The following PTPRQ variants were observed in gnomAD, a reference collection of about 807,000 sequenced individuals.
The protein encoded by PTPRQ is protein tyrosine phosphatase receptor type Q, also known as phosphatidylinositol phosphatase PTPRQ.
A neutral mutation model predicts 246.0 loss-of-function variants in PTPRQ; 199 were observed. That is an observed-to-expected ratio of 0.81 (90% confidence interval 0.72 to 0.91). The LOEUF is 0.91. Ranked by LOEUF, PTPRQ falls within the 40% of genes least tolerant of loss-of-function variation. The pLI, the probability that PTPRQ is intolerant of heterozygous loss-of-function variation, is 0.00. For missense variants in PTPRQ, 2,624 were observed against 2,528.4 expected (o/e 1.04, Z -0.81); for synonymous variants, 869 against 853.2 (o/e 1.02, Z -0.32).
intron 17 of PTPRQ, among the ~76,000 whole-genome samples, chr12:80,521,808 C>A: frequency 6.6e-6 from 1 of 152,154 alleles, no homozygotes; most frequent in East Asian, 1.9e-4. Flanking sequence ...ATGCCTCCAG[C>A]TTCATTCTTT....
intron 25 of PTPRQ, among the ~76,000 whole-genome samples, chr12:80,574,651 A>G (rs1897236476): frequency 6.6e-6 from 1 of 152,174 alleles, no homozygotes; most frequent in African/African-American, 2.4e-5. Flanking sequence ...TAATTTATGT[A>G]ACTGGAAATA....
At chr12:80,478,902 G>C (rs936187056) in intron 8 of PTPRQ, among the ~76,000 whole-genome samples, 1 of 152,148 alleles carries the variant, frequency 6.6e-6, no homozygotes, top group Non-Finnish European at 1.5e-5. Flanking sequence ...ACGTCTGATT[G>C]GTGTACCTGA....
intron 3 of PTPRQ, among the ~76,000 whole-genome samples, chr12:80,449,724 C>T (rs11513912): frequency 0.19 from 28,251 of 151,952 alleles, 2,819 homozygotes; most frequent in Middle Eastern, 0.22. Flanking sequence ...TGTTCTGTTC[C>T]ATTGATCTAT....
intron 17 of PTPRQ, among the ~76,000 whole-genome samples, chr12:80,532,305 C>T (rs1181977583): frequency 6.6e-6 from 1 of 151,950 alleles, no homozygotes; most frequent in Non-Finnish European, 1.5e-5. Flanking sequence ...TCACTTCAGC[C>T]TCCGCCTCCT....
intron 19 of PTPRQ, among the ~76,000 whole-genome samples, chr12:80,535,426 A>C (rs1450320065): frequency 6.6e-6 from 1 of 152,138 alleles, no homozygotes; most frequent in Non-Finnish European, 1.5e-5. Flanking sequence ...ATTTGTTTGT[A>C]TATGATATAA....
rs1491191386 is a variant in PTPRQ, at chr12:80,642,918, TTA to T, written c.5916-5978_5916-5977del. On this transcript the variant is annotated intron_variant, in intron 35 of 44. Coordinates refer to ENST00000644991, the MANE Select transcript of PTPRQ (RefSeq NM_001145026.2). ...CTGGGCGACAGAGCGAGACTCCGTC[TTA>T]AAAAAAAAAAAAAAAAAAAAAAAAA... Among the ~76,000 whole-genome samples, 134 of 69,360 alleles carry T rather than the reference TTA, an allele frequency of 1.9e-3. 5 individuals are homozygous for T. The highest frequency in any genetic ancestry group is 0.017 in the African/African-American group (129 of 7,532). The allele number at this position is 69,360 out of a possible 152,430, so 45.5% of individuals were successfully genotyped here. A position where few individuals can be genotyped will look rare whatever the true frequency, so the allele number is the denominator to read the frequency against.
At position 80,539,854 on chromosome 12, in the gene PTPRQ, A is replaced by T; in HGVS notation, c.3064A>T (p.Ser1022Cys). 6.5e-7 allele frequency: 1 copy of T among 1,549,136 alleles called. No individual in the cohort carries two copies. Among genetic ancestry groups the T allele is most frequent in the African/African-American group, 1.4e-5 (1 of 73,096 alleles). ...STIIDKLTIFSYYTFWLTAST... is the reference protein window; with the variant it reads ...STIIDKLTIFCYYTFWLTAST... ...AATTATAGATAAACTGACAATATTC[A>T]GCTACTATACATTTTGGTTAACAGC... The change falls in exon 20 of 45, where the codon AGC becomes TGC. Residue 1022 changes from serine to cysteine, a missense_variant. Ser to Cys is a moderately radical substitution (Grantham distance 112). Transcript: ENST00000644991.
At chr12:80,549,879 G>A in intron 25 of PTPRQ, 145 bp downstream of exon 25, 1 of 1,146,506 alleles carries the variant, frequency 8.7e-7, no homozygotes, top group Non-Finnish European at 1.2e-6. Context: ...TATCCCACGT[G>A]TTGCTTGAGT....
intron 22 of PTPRQ, among the ~76,000 whole-genome samples, 151 bp downstream of exon 22, chr12:80,542,515 A>G (rs1896186689): frequency 6.6e-6 from 1 of 151,706 alleles, no homozygotes; most frequent in African/African-American, 2.4e-5. Context: ...TTTTTTTGCA[A>G]TTTGAGCTTC....
At chr12:80,492,949 A>G (rs1894493573) in intron 9 of PTPRQ, among the ~76,000 whole-genome samples, 1 of 151,952 alleles carries the variant, frequency 6.6e-6, no homozygotes. Flanking sequence ...GTGATCAGTT[A>G]CAATATCTCA....
At chr12:80,547,901 C>A (rs1379395391) in intron 24 of PTPRQ, among the ~76,000 whole-genome samples, 2 of 151,892 alleles carry the variant, frequency 1.3e-5, no homozygotes, top group African/African-American at 4.8e-5. Context: ...ATGAAGAAGC[C>A]ATGATTGAGC....
At chr12:80,661,394 A>T (rs1005799067) in intron 39 of PTPRQ, among the ~76,000 whole-genome samples, 3 of 149,776 alleles carry the variant, frequency 2.0e-5, no homozygotes, top group African/African-American at 4.9e-5. Flanking sequence ...CCCACTATTC[A>T]CTCCTTTAGC....
chr12:80,637,691 A>T (rs1899707928), intron 35 of PTPRQ, among the ~76,000 whole-genome samples: 1 of 152,224 alleles, frequency 6.6e-6, no homozygotes, highest in Admixed American at 6.5e-5. Context: ...TTTTATGTTA[A>T]TAAAGTCACT....
chr12:80,466,777 A>G (rs1044721939), intron 6 of PTPRQ, among the ~76,000 whole-genome samples: 5 of 152,204 alleles, frequency 3.3e-5, no homozygotes, highest in African/African-American at 1.2e-4. Context: ...TATTTAATAA[A>G]TGGTGCTGGG....
At chr12:80,450,610 G>A (rs1280426488) in intron 3 of PTPRQ, among the ~76,000 whole-genome samples, 8 of 151,908 alleles carry the variant, frequency 5.3e-5, no homozygotes, top group Admixed American at 5.2e-4. Flanking sequence ...TTTGTCAAAG[G>A]CCTTTTCTGC....
rs1894568148 is a variant in PTPRQ, at chr12:80,495,022, A to G, written c.1630A>G (p.Ile544Val). Reference protein sequence around the residue: ...RRLVPFTEHMISVSAFTIMGE... With the variant: ...RRLVPFTEHMVSVSAFTIMGE... ...ACTTGTACCTTTCACTGAGCACATG[A>G]TTAGTGTATCTGCTTTCACCATCAT... The change falls in exon 11 of 45, where the codon ATT (isoleucine) becomes GTT (valine). Residue 544 changes from isoleucine (I) to valine (V), a missense_variant. Transcript: ENST00000644991. 4.5e-6 allele frequency: 7 copies of G among 1,550,426 alleles called. No homozygotes were observed. The highest frequency in any genetic ancestry group is 2.0e-5 in the Admixed American group (1 of 50,912).
chr12:80,532,679 T>C (rs1295362336), intron 17 of PTPRQ, among the ~76,000 whole-genome samples: 1 of 152,066 alleles, frequency 6.6e-6, no homozygotes, highest in Non-Finnish European at 1.5e-5. Context: ...AAAGCCCCTC[T>C]CCTCTGGTCT....
intron 25 of PTPRQ, among the ~76,000 whole-genome samples, chr12:80,573,666 T>C (rs1439117448): frequency 1.3e-5 from 2 of 152,144 alleles, no homozygotes; most frequent in Non-Finnish European, 2.9e-5. Flanking sequence ...ATGTTGAAAA[T>C]ATTGGCTCAA....
chr12:80,484,270 G>C (rs1376494689), intron 8 of PTPRQ, among the ~76,000 whole-genome samples, 163 bp from the exon 9 acceptor site: 3 of 152,084 alleles, frequency 2.0e-5, no homozygotes, highest in Non-Finnish European at 4.4e-5. Context: ...GCCTCCCAAA[G>C]TGCTGGGATT....
Sources: gnomAD v4.1 joint callset for allele counts (sites outside exome capture counted in the v4.1 genomes callset) on GRCh38, gnomAD v4.1.1 for gene constraint, MANE v1.5 for transcripts, NCBI Gene and HGNC (gene_info 2026-07-23, HGNC 2026-07-21) for gene names.